HPSE: variants seen among roughly 807,000 people sequenced by gnomAD.
The protein encoded by HPSE is heparanase, also known as endo-glucoronidase.
In HPSE, 48 loss-of-function variants were observed where a neutral mutation model predicts 65.1. That is an observed-to-expected ratio of 0.74 (90% CI 0.58 to 0.94). HPSE has a LOEUF of 0.94. HPSE is among the 40% of genes least tolerant of loss of function. HPSE has a pLI of 0.00. For missense variants in HPSE, 644 were observed against 637.5 expected (o/e 1.01, Z -0.11); for synonymous variants, 243 against 260.0 (o/e 0.93, Z 0.63).
rs1735587724 is a variant in HPSE, at chr4:83,292,561, T to C, written c.*2783A>G. Reference sequence around the variant, plus strand: ...AAAGATCTAAAATTTAATTTTCAGCTTTAGCTCCTTACAAATATACTTAAA... The same window carrying C: ...AAAGATCTAAAATTTAATTTTCAGCCTTAGCTCCTTACAAATATACTTAAA... On this transcript the variant is annotated 3_prime_UTR_variant, in exon 12 of 12. Coordinates refer to ENST00000311412, the MANE Select transcript of HPSE (RefSeq NM_001098540.3). 1 of 152,222 alleles carries C rather than the reference T, an allele frequency of 6.6e-6. No individual in the cohort carries two copies. The highest frequency in any genetic ancestry group is 2.4e-5 in the African/African-American group (1 of 41,456). 9.4% of individuals were successfully genotyped at this position (152,222 alleles called of 1,614,324 possible). A position where few individuals can be genotyped will look rare whatever the true frequency, so the allele number is the denominator to read the frequency against.
At chr4:83,316,861 C>T (rs7675465) in intron 3 of HPSE, among the ~76,000 whole-genome samples, 121,263 of 152,116 alleles carry the variant, frequency 0.8, 48,491 homozygotes, top group East Asian at 0.87. Context: ...TCTTCTGGGA[C>T]ACCCGTTTTT....
intron 2 of HPSE, 141 bp from the exon 3 acceptor site, chr4:83,319,610 G>T: frequency 1.2e-6 from 1 of 813,478 alleles, no homozygotes. Context: ...CAGAGAAAAG[G>T]TATATTCTGT....
chr4:83,310,205 A>C (rs547255077), intron 5 of HPSE, 127 bp from the exon 6 acceptor site: 10 of 616,824 alleles, frequency 1.6e-5, no homozygotes, highest in Non-Finnish European at 1.4e-5. Flanking sequence ...CAAACTTCCT[A>C]ATTTTGATAG....
At chr4:83,307,951 G>T (rs1036614194) in intron 8 of HPSE, among the ~76,000 whole-genome samples, 28 of 152,178 alleles carry the variant, frequency 1.8e-4, no homozygotes, top group African/African-American at 6.3e-4. Context: ...ACAATGAGAT[G>T]ATTTAACAAA....
intron 3 of HPSE, among the ~76,000 whole-genome samples, chr4:83,317,968 A>T (rs4693080): frequency 0.8 from 120,881 of 151,746 alleles, 48,305 homozygotes; most frequent in East Asian, 0.87. Context: ...AATGCAAAAA[A>T]AAGTTTTTTA....
chr4:83,321,883 C>T (rs895222031), intron 2 of HPSE, among the ~76,000 whole-genome samples: 6 of 151,390 alleles, frequency 4.0e-5, no homozygotes, highest in South Asian at 2.1e-4. Context: ...TAGTTTGACG[C>T]GATTCTACCC....
At chr4:83,307,744 T>C (rs1736197229) in intron 8 of HPSE, among the ~76,000 whole-genome samples, 1 of 152,178 alleles carries the variant, frequency 6.6e-6, no homozygotes, top group Admixed American at 6.5e-5. Context: ...TTTATTCCTC[T>C]TGCTTCCATG....
Position 83,334,630 on chromosome 4 carries a change from C to T in HPSE, c.153G>A (p.Leu51=), listed in dbSNP as rs1455571527. ...TGACGGACAGGAACGAGGGGCTCACCAGGTGCAGCGGCTCCTGGGTGAAGA... is the reference window on the plus strand; with the variant it reads ...TGACGGACAGGAACGAGGGGCTCACTAGGTGCAGCGGCTCCTGGGTGAAGA... ...LDFFTQEPLH[L]VSPSFLSVTI... is the part of the protein sequence containing the mutation. Residue 51 remains leucine, a synonymous_variant, in exon 1 of 12, where the codon CTG becomes CTA. Transcript: ENST00000311412. 3.8e-6 allele frequency: 6 copies of T among 1,589,576 alleles called. No individual in the cohort carries two copies. In the South Asian group the frequency reaches 4.6e-5, roughly 12 times the overall value.
At chr4:83,320,028 TAAAAA>T (rs58369674) in intron 2 of HPSE, among the ~76,000 whole-genome samples, 17 of 107,978 alleles carry the variant, frequency 1.6e-4, no homozygotes, top group Admixed American at 4.9e-4. Context: ...AGACACTGTC[TAAAAA>T]AAAAAAAAAA....
chr4:83,301,953 C>T (rs1406830223), intron 10 of HPSE, among the ~76,000 whole-genome samples, 197 bp downstream of exon 10: 3 of 151,988 alleles, frequency 2.0e-5, no homozygotes, highest in African/African-American at 7.3e-5. Context: ...GAGGCCCCGT[C>T]TCAAAAAACA....
At chr4:83,300,459 A>T (rs1459432938) in intron 11 of HPSE, among the ~76,000 whole-genome samples, 1 of 152,222 alleles carries the variant, frequency 6.6e-6, no homozygotes, top group Admixed American at 6.5e-5. Flanking sequence ...ATTCTCTAAG[A>T]TAACTGCTAG....
chr4:83,334,969 A>C, upstream of HPSE: 1 of 897,534 alleles, frequency 1.1e-6, no homozygotes, highest in South Asian at 2.3e-5. Context: ...ACTGCTCCCA[A>C]TCCAACCCCG....
intron 5 of HPSE, 80 bp from the exon 6 acceptor site, chr4:83,310,158 G>A: frequency 1.1e-6 from 1 of 918,950 alleles, no homozygotes; most frequent in Non-Finnish European, 1.7e-6. Flanking sequence ...TTATTCCCTA[G>A]AAATGGGCTG....
intron 4 of HPSE, among the ~76,000 whole-genome samples, chr4:83,311,569 C>T (rs1282617567): frequency 5.3e-5 from 8 of 151,426 alleles, no homozygotes; most frequent in Non-Finnish European, 1.0e-4. Flanking sequence ...TTTAGAAGGC[C>T]GAGGCAGGAG....
intron 11 of HPSE, among the ~76,000 whole-genome samples, chr4:83,296,955 G>A (rs569508123): frequency 1.3e-5 from 2 of 151,880 alleles, no homozygotes; most frequent in Non-Finnish European, 2.9e-5. Flanking sequence ...AGGATGTTTT[G>A]GTCCACCATG....
At chr4:83,317,436 C>T (rs2126192107) in intron 3 of HPSE, among the ~76,000 whole-genome samples, 1 of 152,268 alleles carries the variant, frequency 6.6e-6, no homozygotes, top group African/African-American at 2.4e-5. Context: ...ATGACGTGCC[C>T]ATGAAAACTG....
Position 83,334,834 on chromosome 4 carries a change from G to C in HPSE, c.-52C>G. 1.4e-6 allele frequency: 2 copies of C among 1,467,968 alleles called. No individual in the cohort carries two copies. Among genetic ancestry groups the C allele is most frequent in the Non-Finnish European group, 1.8e-6 (2 of 1,112,790 alleles). 90.9% of individuals were successfully genotyped at this position (1,467,968 alleles called of 1,614,324 possible). ...GCCAGCTGCCGCGCAGCGGAGAGTC[G>C]AGAGCTCTAGCACTTCCTCCCGCCG... On this transcript the variant is annotated 5_prime_UTR_variant, in exon 1 of 12. Coordinates refer to ENST00000311412, the MANE Select transcript of HPSE (RefSeq NM_001098540.3).
Position 83,300,987 on chromosome 4 carries a change from G to T in HPSE, c.1445C>A (p.Pro482His), listed in dbSNP as rs931638527. Residue 482 changes from proline to histidine, a missense_variant, in exon 11 of 12, where the codon CCT becomes CAT. Transcript: ENST00000311412. ...NKQVDKYLLRPLGPHGLLSKS... is the reference protein window; with the variant it reads ...NKQVDKYLLRHLGPHGLLSKS... The stretch of plus-strand genomic sequence containing the variant: ...GGAAAGTAATCCATGAGGTCCCAAA[G>T]GTCTTAGAAGGTATTTATCCACTTG... 2.6e-5 allele frequency: 42 copies of T among 1,602,492 alleles called. 1 individual carries two copies. The highest frequency in any genetic ancestry group is 3.5e-5 in the Non-Finnish European group (41 of 1,174,296).
intron 11 of HPSE, among the ~76,000 whole-genome samples, chr4:83,297,231 T>C (rs1735765950): frequency 6.6e-6 from 1 of 152,196 alleles, no homozygotes. Context: ...CTAGACCATC[T>C]AGGTTTGTGT....
Sources: gnomAD v4.1 joint callset for allele counts (sites outside exome capture counted in the v4.1 genomes callset) on GRCh38, gnomAD v4.1.1 for gene constraint, MANE v1.5 for transcripts, NCBI Gene and HGNC (gene_info 2026-07-23, HGNC 2026-07-21) for gene names.